MSH4: variants seen among roughly 807,000 people sequenced by gnomAD.
MSH4 encodes the protein mutS protein homolog 4.
A neutral mutation model predicts 113.7 loss-of-function variants in MSH4; 106 were observed. The observed-to-expected ratio is 0.93, with a 90% confidence interval of 0.80 to 1.10. The LOEUF (loss-of-function observed/expected upper bound fraction) is 1.10. Ranked by LOEUF, MSH4 falls within the 50% of genes least tolerant of loss-of-function variation. The pLI is 0.00. For missense variants in MSH4, 1,061 were observed against 1,093.7 expected (o/e 0.97, Z 0.42); for synonymous variants, 368 against 380.2 (o/e 0.97, Z 0.37).
chr1:75,857,897 A>T (rs1305952371), intron 8 of MSH4, among the ~76,000 whole-genome samples: 1 of 152,116 alleles, frequency 6.6e-6, no homozygotes, highest in African/African-American at 2.4e-5. Flanking sequence ...CTTATCCATG[A>T]GCATGGAATA....
chr1:75,845,771 T>C (rs972620658), intron 7 of MSH4, among the ~76,000 whole-genome samples: 1 of 152,010 alleles, frequency 6.6e-6, no homozygotes, highest in Admixed American at 6.6e-5. Context: ...ATTGCCCTAG[T>C]GGGGACTCTG....
intron 4 of MSH4, among the ~76,000 whole-genome samples, chr1:75,811,979 T>C (rs1383687573): frequency 6.6e-6 from 1 of 152,234 alleles, no homozygotes; most frequent in Non-Finnish European, 1.5e-5. Flanking sequence ...ATTAGACGAA[T>C]CACTTTATCT....
At chr1:75,806,094 T>C (rs1306792703) in intron 2 of MSH4, among the ~76,000 whole-genome samples, 1 of 152,072 alleles carries the variant, frequency 6.6e-6, no homozygotes, top group African/African-American at 2.4e-5. Context: ...TTCTGTACTT[T>C]TGGGCTATAT....
chr1:75,809,194 T>A (rs977363542), intron 3 of MSH4, among the ~76,000 whole-genome samples: 1 of 152,198 alleles, frequency 6.6e-6, no homozygotes, highest in African/African-American at 2.4e-5. Flanking sequence ...GTGCTAGAAT[T>A]ATAGGCATGA....
intron 15 of MSH4, among the ~76,000 whole-genome samples, chr1:75,888,462 CT>C (rs997264434): frequency 5.9e-5 from 9 of 151,530 alleles, no homozygotes; most frequent in Non-Finnish European, 1.0e-4. Flanking sequence ...GAAAATTCAC[CT>C]TTTTTTTCTT....
intron 19 of MSH4, among the ~76,000 whole-genome samples, chr1:75,908,036 G>C (rs900934618): frequency 6.7e-6 from 1 of 149,478 alleles, no homozygotes; most frequent in Non-Finnish European, 1.5e-5. Flanking sequence ...TCTTCTGCTT[G>C]ATCTATTTCT....
chr1:75,856,162 C>G (rs532963899), intron 8 of MSH4, among the ~76,000 whole-genome samples: 1 of 152,130 alleles, frequency 6.6e-6, no homozygotes, highest in East Asian at 1.9e-4. Flanking sequence ...GTCTTCTGGT[C>G]TAGGTTTAAG....
Position 75,816,470 on chromosome 1 carries a change from G to A in MSH4, c.913G>A (p.Gly305Ser). ...AAAATCACTGAAGATTTGTTTCCAG[G>A]GTAGTGAACAGACAGCCATGATAGA... The part of the protein sequence containing the change: ...APKSLKICFQ[G>S]SEQTAMIDSS... The change falls in exon 6 of 20, where the codon GGT becomes AGT. Residue 305 changes from glycine (G) to serine (S), a missense_variant. Transcript: ENST00000263187. 6.2e-7 allele frequency: 1 copy of A among 1,610,440 alleles called. No individual in the cohort carries two copies. The highest frequency in any genetic ancestry group is 8.5e-7 in the Non-Finnish European group (1 of 1,177,828).
At chr1:75,888,288 CT>C (rs1239348208) in intron 15 of MSH4, among the ~76,000 whole-genome samples, 1 of 151,386 alleles carries the variant, frequency 6.6e-6, no homozygotes, top group Non-Finnish European at 1.5e-5. Flanking sequence ...GTACGTTTCC[CT>C]TTCAACTATT....
chr1:75,867,197 T>G (rs1260397674), intron 8 of MSH4, among the ~76,000 whole-genome samples: 1 of 152,198 alleles, frequency 6.6e-6, no homozygotes, highest in Admixed American at 6.5e-5. Flanking sequence ...TTAATCTTAG[T>G]CTCTTGGTGC....
At chr1:75,842,745 C>A (rs1003663895) in intron 7 of MSH4, among the ~76,000 whole-genome samples, 1 of 152,130 alleles carries the variant, frequency 6.6e-6, no homozygotes, top group African/African-American at 2.4e-5. Flanking sequence ...CGTTGCCAGG[C>A]GGACCTTGGT....
In MSH4 at chr1:75,912,731, G is replaced by T. The variant is rs1652816755; in HGVS notation, c.2655G>T (p.Gln885His). 1.3e-6 allele frequency: 2 copies of T among 1,561,908 alleles called. No homozygotes were observed. Among genetic ancestry groups the T allele is most frequent in the Non-Finnish European group, 1.7e-6 (2 of 1,159,122 alleles). ...NQRSTPEMER[Q>H]RAVYHLATRL... The stretch of plus-strand genomic sequence containing the variant: ...GGAGTACCCCTGAGATGGAAAGACA[G>T]AGAGCTGTGTACCATCTAGCCACTA... Residue 885 changes from glutamine to histidine, a missense_variant, in exon 20 of 20, where the codon CAG becomes CAT. Physicochemically the swap from Gln to His is conservative, Grantham distance 24 (BLOSUM62 0). Coordinates refer to ENST00000263187, the MANE Select transcript of MSH4 (RefSeq NM_002440.4).
intron 8 of MSH4, among the ~76,000 whole-genome samples, chr1:75,857,381 G>T (rs547215278): frequency 6.6e-6 from 1 of 152,252 alleles, no homozygotes; most frequent in African/African-American, 2.4e-5. Flanking sequence ...TGTCCTGATG[G>T]TATTGCCCAG....
chr1:75,855,756 A>G (rs1462339342), intron 8 of MSH4, among the ~76,000 whole-genome samples: 2 of 152,146 alleles, frequency 1.3e-5, no homozygotes, highest in East Asian at 1.9e-4. Context: ...ACAATTACTA[A>G]CCTCTGGAAT....
chr1:75,797,257 C>T (rs1649837653), intron 1 of MSH4, 28 bp downstream of exon 1: 6 of 1,583,948 alleles, frequency 3.8e-6, no homozygotes, highest in East Asian at 2.3e-5. Flanking sequence ...GGAGGAGTCT[C>T]CTTGAGGCTA....
intron 5 of MSH4, among the ~76,000 whole-genome samples, chr1:75,815,611 C>G (rs775543066): frequency 6.6e-6 from 1 of 152,130 alleles, no homozygotes; most frequent in Non-Finnish European, 1.5e-5. Context: ...CTAGAACATA[C>G]GAAATAGATA....
intron 3 of MSH4, among the ~76,000 whole-genome samples, chr1:75,809,355 AC>A (rs1356441236): frequency 6.6e-6 from 1 of 152,064 alleles, no homozygotes; most frequent in African/African-American, 2.4e-5. Context: ...TTTTTATTAT[AC>A]CTAACAACCT....
intron 8 of MSH4, among the ~76,000 whole-genome samples, chr1:75,865,991 A>G (rs55658712): frequency 0.022 from 3,307 of 152,206 alleles, 126 homozygotes; most frequent in African/African-American, 0.076. Flanking sequence ...TCATAAATCG[A>G]GTGCCCATAT....
chr1:75,908,722 C>T (rs1450089743), intron 19 of MSH4, among the ~76,000 whole-genome samples: 1 of 152,092 alleles, frequency 6.6e-6, no homozygotes, highest in Non-Finnish European at 1.5e-5. Context: ...GTTGGACTTT[C>T]TAGGTTGTAT....
Sources: allele counts gnomAD v4.1 joint callset (sites outside exome capture counted in the v4.1 genomes callset), GRCh38; gene constraint gnomAD v4.1.1; transcripts MANE v1.5; gene names NCBI Gene and HGNC (gene_info 2026-07-23, HGNC 2026-07-21).